The following EXOC6B variants were observed in gnomAD, a reference collection of about 807,000 sequenced individuals.
The protein encoded by EXOC6B is exocyst complex component 6B, also known as SEC15 homolog B.
A neutral mutation model predicts 113.5 loss-of-function variants in EXOC6B; 54 were observed. The ratio of observed to expected loss-of-function variants is 0.48; its 90% confidence interval spans 0.38 to 0.60. EXOC6B has a LOEUF of 0.60. EXOC6B is among the 20% of genes least tolerant of loss of function. EXOC6B has a pLI of 0.00. For missense variants in EXOC6B, 797 were observed against 977.5 expected (o/e 0.82, Z 2.46); for synonymous variants, 357 against 339.0 (o/e 1.05, Z -0.58).
At chr2:72,541,434 T>C (rs552331342) in intron 8 of EXOC6B, among the ~76,000 whole-genome samples, 1 of 152,292 alleles carries the variant, frequency 6.6e-6, no homozygotes, top group South Asian at 2.1e-4. Flanking sequence ...CTTCCTTCTT[T>C]CTCTTTCTGG....
intron 1 of EXOC6B, among the ~76,000 whole-genome samples, chr2:72,776,029 C>T (rs1423477899): frequency 6.6e-6 from 1 of 152,130 alleles, no homozygotes; most frequent in Admixed American, 6.5e-5. Flanking sequence ...CATGGAGTCT[C>T]TCTCTAATTT....
intron 6 of EXOC6B, among the ~76,000 whole-genome samples, chr2:72,594,136 A>C (rs745461985): frequency 1.3e-5 from 2 of 152,114 alleles, no homozygotes; most frequent in Non-Finnish European, 2.9e-5. Flanking sequence ...GCATGCACGC[A>C]CGCCTGGCTA....
intron 18 of EXOC6B, among the ~76,000 whole-genome samples, chr2:72,458,033 T>C (rs936680825): frequency 6.6e-6 from 1 of 152,010 alleles, no homozygotes; most frequent in African/African-American, 2.4e-5. Flanking sequence ...TGTGGTAAAA[T>C]ATCCCTGAGA....
chr2:72,532,088 A>C (rs2105757984), intron 8 of EXOC6B, among the ~76,000 whole-genome samples: 1 of 152,376 alleles, frequency 6.6e-6, no homozygotes, highest in South Asian at 2.1e-4. Context: ...TTATAAAATG[A>C]AATATCACCC....
chr2:72,440,262 G>A (rs1045754129), intron 18 of EXOC6B, among the ~76,000 whole-genome samples: 3 of 152,084 alleles, frequency 2.0e-5, no homozygotes, highest in South Asian at 2.1e-4. Context: ...CTCCAGGGTC[G>A]TAATGAAAAA....
At chr2:72,404,675 C>G (rs914538129) in intron 18 of EXOC6B, among the ~76,000 whole-genome samples, 1 of 152,174 alleles carries the variant, frequency 6.6e-6, no homozygotes, top group African/African-American at 2.4e-5. Context: ...AACTAACAAA[C>G]AGAAAGGACA....
chr2:72,699,451 C>T (rs1307157306), intron 6 of EXOC6B, among the ~76,000 whole-genome samples: 1 of 149,432 alleles, frequency 6.7e-6, no homozygotes, highest in Non-Finnish European at 1.5e-5. Context: ...GCATCCCAGC[C>T]TGGGCGACAG....
chr2:72,188,523 CTAAG>C (rs1038457987), intron 20 of EXOC6B, among the ~76,000 whole-genome samples: 5 of 152,142 alleles, frequency 3.3e-5, no homozygotes, highest in Non-Finnish European at 7.4e-5. Flanking sequence ...GGGTACTTAA[CTAAG>C]TTAGCTGCTT....
chr2:72,326,449 A>T (rs887792259), intron 20 of EXOC6B, among the ~76,000 whole-genome samples: 2 of 152,092 alleles, frequency 1.3e-5, no homozygotes, highest in Admixed American at 6.6e-5. Context: ...GTCCCCTATG[A>T]TACAGCGTGA....
intron 1 of EXOC6B, among the ~76,000 whole-genome samples, chr2:72,769,132 A>T (rs1351949471): frequency 6.6e-6 from 1 of 152,222 alleles, no homozygotes; most frequent in Non-Finnish European, 1.5e-5. Flanking sequence ...TTTTACTGCA[A>T]TTTTAAAATA....
chr2:72,719,965 CA>C (rs1310416946), intron 5 of EXOC6B, among the ~76,000 whole-genome samples: 1 of 151,864 alleles, frequency 6.6e-6, no homozygotes, highest in African/African-American at 2.4e-5. Flanking sequence ...ATTGGGTTTA[CA>C]AAATATTTAA....
chr2:72,249,432 T>C (rs1288513841), intron 20 of EXOC6B, among the ~76,000 whole-genome samples: 2 of 152,124 alleles, frequency 1.3e-5, no homozygotes, highest in African/African-American at 4.8e-5. Context: ...TTTTCTTGTA[T>C]TTTTAGTAGA....
At chr2:72,284,924 T>C (rs1467568964) in intron 20 of EXOC6B, among the ~76,000 whole-genome samples, 2 of 151,878 alleles carry the variant, frequency 1.3e-5, no homozygotes, top group Non-Finnish European at 2.9e-5. Flanking sequence ...TAACAAAATA[T>C]GTCATCAAGA....
At chr2:72,817,575 A>C (rs1190750508) in intron 1 of EXOC6B, among the ~76,000 whole-genome samples, 3 of 152,130 alleles carry the variant, frequency 2.0e-5, no homozygotes, top group Non-Finnish European at 4.4e-5. Context: ...AAGAAACAAA[A>C]TCCCTTCCCC....
chr2:72,345,430 A>T (rs1689270729), intron 19 of EXOC6B, among the ~76,000 whole-genome samples: 1 of 152,198 alleles, frequency 6.6e-6, no homozygotes, highest in Non-Finnish European at 1.5e-5. Context: ...AGCAACCAAG[A>T]TGTCCTTTAG....
At chr2:72,716,906 C>T (rs1219459136) in intron 6 of EXOC6B, among the ~76,000 whole-genome samples, 1 of 152,156 alleles carries the variant, frequency 6.6e-6, no homozygotes, top group Non-Finnish European at 1.5e-5. Flanking sequence ...CTACACTCTC[C>T]TATATTTTAA....
At chr2:72,231,575 T>A (rs192312515) in intron 20 of EXOC6B, among the ~76,000 whole-genome samples, 214 of 152,224 alleles carry the variant, frequency 1.4e-3, no homozygotes, top group Non-Finnish European at 2.6e-3. Context: ...AATGTCTTCC[T>A]TTAGTAAATA....
chr2:72,538,160 G>A (rs572758157), intron 8 of EXOC6B, among the ~76,000 whole-genome samples: 2 of 151,786 alleles, frequency 1.3e-5, no homozygotes, highest in African/African-American at 4.8e-5. Flanking sequence ...ATGAGGTGTC[G>A]CTATGTTGCC....
At chr2:72,236,606 T>A (rs1255267965) in intron 20 of EXOC6B, among the ~76,000 whole-genome samples, 1 of 152,172 alleles carries the variant, frequency 6.6e-6, no homozygotes, top group Non-Finnish European at 1.5e-5. Flanking sequence ...TTTTGGCATG[T>A]TTGGCCCATG....
Sources: gnomAD v4.1 joint callset for allele counts (sites outside exome capture counted in the v4.1 genomes callset) on GRCh38, gnomAD v4.1.1 for gene constraint, MANE v1.5 for transcripts, NCBI Gene and HGNC (gene_info 2026-07-23, HGNC 2026-07-21) for gene names.